Variants in ASTN2 observed in about 807,000 individuals in gnomAD.
ASTN2 encodes the protein astrotactin-2.
ASTN2 carries 54 observed loss-of-function variants against 139.8 expected under a neutral mutation model. That is an observed-to-expected ratio of 0.39 (90% CI 0.31 to 0.48). ASTN2 has a LOEUF of 0.48. ASTN2 is among the 20% of genes least tolerant of loss of function. The pLI is 0.95. For missense variants in ASTN2, 1,565 were observed against 1,725.1 expected (o/e 0.91, Z 1.64); for synonymous variants, 756 against 719.5 (o/e 1.05, Z -0.81).
In ASTN2 at chr9:117,197,671, G is replaced by T. The variant is rs549245247; in HGVS notation, c.1015+16687C>A. ...ATGGCTATATTGGAAAATGCCAGAAGAATATAAATTAAATAAAACAATATA... is the reference window on the plus strand; with the variant it reads ...ATGGCTATATTGGAAAATGCCAGAATAATATAAATTAAATAAAACAATATA... On this transcript the variant is annotated intron_variant, in intron 3 of 22. Coordinates refer to ENST00000313400, the MANE Select transcript of ASTN2 (RefSeq NM_001365068.1). Among the ~76,000 whole-genome samples, 5 of 152,268 alleles carry T rather than the reference G, an allele frequency of 3.3e-5. No homozygotes were observed. The South Asian group carries it at 8.3e-4, about 25-fold the overall frequency.
At chr9:116,498,500 A>C (rs967236316) in intron 19 of ASTN2, among the ~76,000 whole-genome samples, 2 of 152,142 alleles carry the variant, frequency 1.3e-5, no homozygotes, top group Admixed American at 1.3e-4. Context: ...TGAGAGGCTG[A>C]AGTGGAAGGA....
At chr9:116,800,549 A>T (rs1005161148) in intron 13 of ASTN2, among the ~76,000 whole-genome samples, 3 of 152,162 alleles carry the variant, frequency 2.0e-5, no homozygotes, top group Non-Finnish European at 2.9e-5. Flanking sequence ...ATCCCTCCTT[A>T]GTTATAAATT....
chr9:116,973,962 G>C (rs1836277777), intron 10 of ASTN2, among the ~76,000 whole-genome samples: 1 of 152,100 alleles, frequency 6.6e-6, no homozygotes. Flanking sequence ...TAAGAGAGTT[G>C]GGTTCTAGGA....
At chr9:116,975,444 C>G in intron 9 of ASTN2, 99 bp from the exon 10 acceptor site, 2 of 1,196,318 alleles carry the variant, frequency 1.7e-6, no homozygotes, top group Non-Finnish European at 2.2e-6. Flanking sequence ...CAATTTCCTA[C>G]TTCTCCATCC....
chr9:117,025,867 C>G lies in ASTN2; in HGVS notation c.1423+13952G>C, dbSNP rs60714369. Among the ~76,000 whole-genome samples, 1,112 of 151,274 alleles carry G rather than the reference C, an allele frequency of 7.4e-3. 10 individuals are homozygous for G. The highest frequency in any genetic ancestry group is 0.026 in the African/African-American group (1,051 of 41,126). On this transcript the variant is annotated intron_variant, in intron 6 of 22. Transcript: ENST00000313400. ...AGTGCAGTCGCGTGATCTTGGCTCA[C>G]TGCACCCTCCACCTCCCAGGTTCAA...
chr9:116,428,769 G>A (rs111575145), intron 22 of ASTN2, among the ~76,000 whole-genome samples: 133 of 152,242 alleles, frequency 8.7e-4, no homozygotes, highest in African/African-American at 3.1e-3. Context: ...GTGATACTGA[G>A]TGAAGTGCTT....
intron 11 of ASTN2, among the ~76,000 whole-genome samples, chr9:116,858,700 CCT>C (rs970853738): frequency 6.6e-6 from 1 of 152,090 alleles, no homozygotes; most frequent in Non-Finnish European, 1.5e-5. Flanking sequence ...ACACAGGCTC[CCT>C]CTCTTTTCTG....
intron 4 of ASTN2, among the ~76,000 whole-genome samples, chr9:117,137,123 A>C (rs1163664163): frequency 2.0e-5 from 3 of 152,216 alleles, no homozygotes; most frequent in African/African-American, 4.8e-5. Flanking sequence ...TAGCAGCCTC[A>C]TAAAACCCCA....
At chr9:117,079,282 G>T (rs1238945861) in intron 5 of ASTN2, among the ~76,000 whole-genome samples, 1 of 152,126 alleles carries the variant, frequency 6.6e-6, no homozygotes, top group Non-Finnish European at 1.5e-5. Context: ...CCTGAGGCTG[G>T]GAGGTCAAGT....
chr9:116,469,453 C>T (rs888608508), intron 20 of ASTN2, among the ~76,000 whole-genome samples: 1 of 152,150 alleles, frequency 6.6e-6, no homozygotes, highest in Non-Finnish European at 1.5e-5. Context: ...GCCTCATTCC[C>T]CTGTGCCCCT....
At chr9:116,943,149 G>C (rs1835287253) in intron 10 of ASTN2, among the ~76,000 whole-genome samples, 1 of 152,150 alleles carries the variant, frequency 6.6e-6, no homozygotes, top group African/African-American at 2.4e-5. Context: ...AAACATCAAG[G>C]AGCTCATAGA....
chr9:116,770,280 G>A lies in ASTN2; in HGVS notation c.2396+35352C>T, dbSNP rs544040219. On this transcript the variant is annotated intron_variant, in intron 13 of 22. Coordinates refer to ENST00000313400, the MANE Select transcript of ASTN2 (RefSeq NM_001365068.1). ...ACTGCAGATGGCTATTCCCAAGGTT[G>A]TAGGAAAGATAGTTGATTTTTTTTA... Among the ~76,000 whole-genome samples, 8 of 152,210 alleles carry A rather than the reference G, an allele frequency of 5.3e-5. No individual in the cohort carries two copies. The East Asian group carries it at 1.5e-3, about 29-fold the overall frequency.
intron 10 of ASTN2, among the ~76,000 whole-genome samples, chr9:116,866,116 C>T (rs976060105): frequency 6.6e-6 from 1 of 152,212 alleles, no homozygotes; most frequent in African/African-American, 2.4e-5. Context: ...ATCAGCTTCA[C>T]AGTCTCCCAG....
At chr9:116,822,402 T>C (rs1831512583) in intron 11 of ASTN2, among the ~76,000 whole-genome samples, 1 of 152,104 alleles carries the variant, frequency 6.6e-6, no homozygotes. Flanking sequence ...TCCATGTGAG[T>C]GAAGTGCTGT....
intron 4 of ASTN2, among the ~76,000 whole-genome samples, chr9:117,124,396 G>A (rs1382065801): frequency 6.6e-6 from 1 of 152,054 alleles, no homozygotes; most frequent in African/African-American, 2.4e-5. Context: ...CAGGAAAAAA[G>A]ATATGATTCC....
In ASTN2 at chr9:116,628,664, T is replaced by G. The variant is rs138817494; in HGVS notation, c.3073-8221A>C. Among the ~76,000 whole-genome samples, 948 of 152,340 alleles carry G rather than the reference T, an allele frequency of 6.2e-3. 14 individuals carry two copies. The highest frequency in any genetic ancestry group is 0.021 in the African/African-American group (890 of 41,572). ...AGATACTGGTGTATACATGGAATTA[T>G]ACATTTGTAAAAACCCACAGAAAAT... On this transcript the variant is annotated intron_variant, in intron 17 of 22. Transcript: ENST00000313400.
intron 6 of ASTN2, among the ~76,000 whole-genome samples, chr9:117,016,017 T>C (rs112522952): frequency 0.027 from 4,036 of 152,274 alleles, 192 homozygotes; most frequent in African/African-American, 0.092. Flanking sequence ...ATATTGTATA[T>C]CTGCTTATAC....
At chr9:117,199,641 G>T (rs566337267) in intron 3 of ASTN2, among the ~76,000 whole-genome samples, 2,799 of 150,822 alleles carry the variant, frequency 0.019, 44 homozygotes, top group Middle Eastern at 0.034. Flanking sequence ...ATTTAAAGTA[G>T]TTTTTTTTTT....
chr9:116,920,993 A>C (rs1834588943), intron 10 of ASTN2, among the ~76,000 whole-genome samples: 1 of 152,190 alleles, frequency 6.6e-6, no homozygotes, highest in Non-Finnish European at 1.5e-5. Context: ...TAAAGAAAAG[A>C]GGTTGAACTA....
Sources: gnomAD v4.1 joint callset for allele counts (sites outside exome capture counted in the v4.1 genomes callset) on GRCh38, gnomAD v4.1.1 for gene constraint, MANE v1.5 for transcripts, NCBI Gene and HGNC (gene_info 2026-07-23, HGNC 2026-07-21) for gene names.